NDC1: variants seen among roughly 807,000 people sequenced by gnomAD.
The protein encoded by NDC1 is NDC1 transmembrane nucleoporin.
In NDC1, 24 loss-of-function variants were observed where a neutral mutation model predicts 89.8. That is an observed-to-expected ratio of 0.27 (90% CI 0.19 to 0.38). The LOEUF is 0.38. Ranked by LOEUF, NDC1 falls within the 10% of genes least tolerant of loss-of-function variation. The probability of loss-of-function intolerance (pLI) is 1.00; values close to 1 mark genes in which losing one functional copy is unlikely to be tolerated. For synonymous variants in NDC1, 296 were observed against 284.8 expected, an observed-to-expected ratio of 1.04 and a Z score of -0.39; for missense variants, 728 against 797.6, an observed-to-expected ratio of 0.91 and a Z score of 1.05.
intron 17 of NDC1, among the ~76,000 whole-genome samples, chr1:53,769,574 T>C (rs567758673): frequency 1.2e-4 from 19 of 152,352 alleles, no homozygotes; most frequent in African/African-American, 3.6e-4. Flanking sequence ...GTTGAATGAA[T>C]GTCTCCAATG....
intron 16 of NDC1, among the ~76,000 whole-genome samples, chr1:53,778,490 C>T (rs867035485): frequency 2.8e-4 from 42 of 151,990 alleles, no homozygotes; most frequent in African/African-American, 3.9e-4. Context: ...TGGTGGCTCA[C>T]GCCTGTAATC....
chr1:53,785,730 A>G (rs1647286911), intron 16 of NDC1, among the ~76,000 whole-genome samples: 1 of 151,596 alleles, frequency 6.6e-6, no homozygotes, highest in African/African-American at 2.4e-5. Flanking sequence ...GCACCACCAC[A>G]CCTCGCTAAT....
At chr1:53,819,934 C>T (rs757160431) in intron 5 of NDC1, among the ~76,000 whole-genome samples, 8 of 151,026 alleles carry the variant, frequency 5.3e-5, no homozygotes, top group Non-Finnish European at 8.9e-5. Context: ...CTAATGATAG[C>T]TGATGAGCTT....
chr1:53,833,835 T>C (rs1649145684), intron 2 of NDC1, among the ~76,000 whole-genome samples: 1 of 152,070 alleles, frequency 6.6e-6, no homozygotes, highest in Admixed American at 6.6e-5. Flanking sequence ...CTAAATTTTT[T>C]TTTTTTTTGA....
chr1:53,776,912 G>A (rs1459533384), intron 16 of NDC1, among the ~76,000 whole-genome samples: 2 of 151,984 alleles, frequency 1.3e-5, no homozygotes, highest in East Asian at 1.9e-4. Flanking sequence ...TAGGATAATC[G>A]ATAGCAAATT....
intron 16 of NDC1, among the ~76,000 whole-genome samples, chr1:53,786,709 T>C (rs1647318039): frequency 6.6e-6 from 1 of 152,184 alleles, no homozygotes. Flanking sequence ...TTTTGTTTTT[T>C]AAAATAGAGA....
chr1:53,783,025 C>T (rs573308322), intron 16 of NDC1, among the ~76,000 whole-genome samples: 2 of 152,066 alleles, frequency 1.3e-5, no homozygotes, highest in Non-Finnish European at 2.9e-5. Flanking sequence ...CTGAGAAGTC[C>T]ATGGGCTTCA....
chr1:53,837,528 C>T (rs1298591669), intron 1 of NDC1, among the ~76,000 whole-genome samples: 1 of 152,106 alleles, frequency 6.6e-6, no homozygotes, highest in African/African-American at 2.4e-5. Context: ...CGACAACGCG[C>T]CATTGCACTG....
chr1:53,781,122 C>T (rs1392224629), intron 16 of NDC1, among the ~76,000 whole-genome samples: 1 of 152,012 alleles, frequency 6.6e-6, no homozygotes, highest in Non-Finnish European at 1.5e-5. Flanking sequence ...TCTCAAAACT[C>T]TGGGATTACA....
chr1:53,835,656 C>A, intron 1 of NDC1, 36 bp from the exon 2 acceptor site: 1 of 1,576,226 alleles, frequency 6.3e-7, no homozygotes, highest in South Asian at 1.2e-5. Context: ...CTCATGAAGT[C>A]AGTTAAATTA....
rs1462384353 is a variant in NDC1 at position 53,768,017 on chromosome 1, C to T, written c.1978G>A (p.Ala660Thr). ...GEHLNAVQASAEHQKRLQQFL... is the reference protein window; with the variant it reads ...GEHLNAVQASTEHQKRLQQFL... Reference sequence around the variant, plus strand: ...TGTTGAAGTCTTTTCTGATGTTCTGCAGATGCTTGCACAGCACTAAATGAA... The same window carrying T: ...TGTTGAAGTCTTTTCTGATGTTCTGTAGATGCTTGCACAGCACTAAATGAA... The change falls in exon 18 of 18, where the codon GCA (alanine) becomes ACA (threonine). Residue 660 changes from alanine (A) to threonine (T), a missense_variant. By Grantham distance (58) the Ala-to-Thr change is moderately conservative. Transcript: ENST00000371429. 6.2e-7 allele frequency: 1 copy of T among 1,607,724 alleles called. No individual in the cohort carries two copies. Among genetic ancestry groups the T allele is most frequent in the Non-Finnish European group, 8.5e-7 (1 of 1,176,918 alleles).
In NDC1 at chr1:53,793,217, A is replaced by G; in HGVS notation, c.1635+12T>C. On this transcript the variant is annotated intron_variant, in intron 14 of 17. Transcript: ENST00000371429. ...CCTCCCCATTCCCAACGCTATAACC[A>G]CATATTCTTACCTTACTGAAAAAAT... 2 of 1,598,958 alleles carry G rather than the reference A, an allele frequency of 1.3e-6. No homozygotes were observed. The highest frequency in any genetic ancestry group is 1.1e-5 in the South Asian group (1 of 90,706).
chr1:53,777,693 C>T (rs1344952655), intron 16 of NDC1, among the ~76,000 whole-genome samples: 2 of 152,096 alleles, frequency 1.3e-5, no homozygotes, highest in Non-Finnish European at 2.9e-5. Context: ...ATCCAAAAAG[C>T]ACTGAAAACA....
intron 5 of NDC1, among the ~76,000 whole-genome samples, chr1:53,824,512 G>A (rs1244962710): frequency 2.0e-5 from 3 of 152,160 alleles, no homozygotes; most frequent in African/African-American, 7.2e-5. Flanking sequence ...TGGGAGGGAG[G>A]CTAGTTCTAA....
intron 16 of NDC1, among the ~76,000 whole-genome samples, chr1:53,773,095 C>CAAA (rs1210784686): frequency 1.6e-5 from 1 of 64,450 alleles, no homozygotes; most frequent in Non-Finnish European, 3.4e-5. Flanking sequence ...AAGACCTCAG[C>CAAA]AAAAAAAAAA....
rs554272928 is a variant in NDC1 at position 53,835,502 on chromosome 1, G to A, written c.176C>T (p.Ser59Phe). 6.2e-7 allele frequency: 1 copy of A among 1,605,536 alleles called. No individual in the cohort carries two copies. Among genetic ancestry groups the A allele is most frequent in the Non-Finnish European group, 8.5e-7 (1 of 1,177,432 alleles). The change falls in exon 2 of 18, where the codon TCT becomes TTT. Residue 59 changes from serine (S) to phenylalanine (F), a missense_variant and splice_region_variant. Physicochemically the swap from Ser to Phe is radical, Grantham distance 155 (BLOSUM62 -2). Transcript: ENST00000371429. ...IDLFHPIQWL[S>F]DSFSDLYSSY... ...TCCCCAAGTTGAGTATCACCTACCA[G>A]ACAGCCACTGTATAGGATGAAACAA...
chr1:53,830,481 G>A (rs1649020221), intron 3 of NDC1, among the ~76,000 whole-genome samples: 1 of 151,954 alleles, frequency 6.6e-6, no homozygotes, highest in African/African-American at 2.4e-5. Flanking sequence ...AGCAAGCAAG[G>A]GAAAAGGATA....
chr1:53,800,778 T>C lies in NDC1; in HGVS notation c.1137A>G (p.Lys379=), dbSNP rs776659563. Residue 379 remains lysine (K), a synonymous_variant, in exon 11 of 18, where the codon AAA becomes AAG. Coordinates refer to ENST00000371429, the MANE Select transcript of NDC1 (RefSeq NM_018087.5). ...CAGCAGCTTCTTGATAGAGAATCAG[T>C]TTCTGAGTCATACCATTTAAAAGAT... ...CLNLLNGMTQ[K]LILYQEAAAT... is the part of the protein sequence containing the mutation. 2 of 1,613,832 alleles carry C rather than the reference T, an allele frequency of 1.2e-6. No homozygotes were observed. Among genetic ancestry groups the C allele is most frequent in the Admixed American group, 1.7e-5 (1 of 59,990 alleles).
At chr1:53,781,540 G>T (rs1647207149) in intron 16 of NDC1, among the ~76,000 whole-genome samples, 1 of 152,096 alleles carries the variant, frequency 6.6e-6, no homozygotes, top group Non-Finnish European at 1.5e-5. Context: ...AGGATGAAAG[G>T]CTCCCCTTCC....
Sources: allele counts gnomAD v4.1 joint callset (sites outside exome capture counted in the v4.1 genomes callset), GRCh38; gene constraint gnomAD v4.1.1; transcripts MANE v1.5; gene names NCBI Gene and HGNC (gene_info 2026-07-23, HGNC 2026-07-21).